TCAIM: variants seen among roughly 807,000 people sequenced by gnomAD.
TCAIM encodes the protein T-cell activation inhibitor, mitochondrial.
A neutral mutation model predicts 58.6 loss-of-function variants in TCAIM; 36 were observed. The observed-to-expected ratio is 0.61, with a 90% CI of 0.47 to 0.81. TCAIM has a LOEUF of 0.81. Among genes scored for constraint, TCAIM ranks in the 30% least tolerant of loss-of-function variants. The pLI is 0.00. For synonymous variants in TCAIM, 172 were observed against 193.6 expected (o/e 0.89, Z 0.93); for missense variants, 466 against 579.6 (o/e 0.80, Z 2.01).
intron 1 of TCAIM, among the ~76,000 whole-genome samples, chr3:44,348,971 A>T (rs1373901514): frequency 6.6e-6 from 1 of 152,192 alleles, no homozygotes; most frequent in African/African-American, 2.4e-5. Context: ...TAGTCACAGA[A>T]CGAAACTGTA....
At chr3:44,364,311 G>A (rs1294218026) in intron 4 of TCAIM, among the ~76,000 whole-genome samples, 1 of 151,442 alleles carries the variant, frequency 6.6e-6, no homozygotes, top group Non-Finnish European at 1.5e-5. Context: ...TAGCATATAT[G>A]ACAAAAAGAT....
intron 9 of TCAIM, chr3:44,400,802 G>C (rs1702010986): frequency 1.8e-6 from 1 of 566,282 alleles, no homozygotes; most frequent in South Asian, 2.1e-5. Flanking sequence ...TGAATATATT[G>C]CTGAGCAGAT....
intron 10 of TCAIM, among the ~76,000 whole-genome samples, chr3:44,406,788 A>G (rs939878236): frequency 3.3e-5 from 5 of 152,208 alleles, no homozygotes; most frequent in African/African-American, 1.2e-4. Context: ...GATGTAGCAC[A>G]TTGAATCCAC....
intron 6 of TCAIM, 41 bp downstream of exon 6, chr3:44,393,018 A>C (rs772022527): frequency 6.4e-7 from 1 of 1,570,940 alleles, no homozygotes; most frequent in Non-Finnish European, 8.7e-7. Context: ...ATTGAAATGA[A>C]TATGAATTAC....
At chr3:44,342,106 A>T (rs564325166) in intron 1 of TCAIM, among the ~76,000 whole-genome samples, 5 of 152,282 alleles carry the variant, frequency 3.3e-5, no homozygotes, top group African/African-American at 9.6e-5. Context: ...TTAGAATTGT[A>T]ATTTTTCTTT....
At chr3:44,339,897 C>T (rs1397255569) in intron 1 of TCAIM, 1 of 152,130 alleles carries the variant, frequency 6.6e-6, no homozygotes, top group African/African-American at 2.4e-5. Flanking sequence ...TTTTCTAGTC[C>T]CAATGCTTTA....
At chr3:44,393,215 T>G (rs1471389872) in intron 6 of TCAIM, among the ~76,000 whole-genome samples, 1 of 152,160 alleles carries the variant, frequency 6.6e-6, no homozygotes, top group East Asian at 1.9e-4. Flanking sequence ...CCCAGCACTT[T>G]GGGAGGCCAA....
chr3:44,353,517 G>T (rs1006411127), intron 1 of TCAIM, among the ~76,000 whole-genome samples: 4 of 152,176 alleles, frequency 2.6e-5, no homozygotes, highest in Non-Finnish European at 5.9e-5. Context: ...TTCCAAAGTG[G>T]CTGCACCTGT....
At position 44,359,586 on chromosome 3, in the gene TCAIM, A is replaced by T. The variant is rs1442076296; in HGVS notation, c.165+1710A>T. 3.3e-5 allele frequency: 5 copies of T among 152,310 alleles called. No individual in the cohort carries two copies. The East Asian group carries it at 9.7e-4, about 29-fold the overall frequency. The allele number at this position is 152,310 out of a possible 1,614,324, so 9.4% of individuals were successfully genotyped here. A position where few individuals can be genotyped will look rare whatever the true frequency, so the allele number is the denominator to read the frequency against. On this transcript the variant is annotated intron_variant, in intron 3 of 10. Transcript: ENST00000342649. ...ACTGACCCCCAGTAAAACTCTGGAC[A>T]TCCAGACTTGGATGAGCTTCCTTGG...
chr3:44,339,140 C>T (rs1041922164), intron 1 of TCAIM, among the ~76,000 whole-genome samples: 5 of 152,162 alleles, frequency 3.3e-5, no homozygotes, highest in African/African-American at 7.2e-5. Flanking sequence ...AGAATCTAGG[C>T]TAATGTATCT....
intron 4 of TCAIM, among the ~76,000 whole-genome samples, chr3:44,365,798 A>G (rs1701365208): frequency 6.6e-6 from 1 of 152,194 alleles, no homozygotes; most frequent in Non-Finnish European, 1.5e-5. Context: ...GTGGCCAAAG[A>G]ACTTAATTTT....
chr3:44,358,430 T>C (rs1360259415), intron 3 of TCAIM: 2 of 588,046 alleles, frequency 3.4e-6, no homozygotes, highest in African/African-American at 2.0e-5. Flanking sequence ...CATCCATGGA[T>C]TCAACCAACC....
chr3:44,357,427 G>T (rs535955699), intron 2 of TCAIM, among the ~76,000 whole-genome samples: 39 of 152,216 alleles, frequency 2.6e-4, no homozygotes, highest in East Asian at 9.7e-4. Context: ...AAGATTTTTT[G>T]ATCTGAATAA....
chr3:44,383,754 C>A (rs1701690047), intron 5 of TCAIM, among the ~76,000 whole-genome samples: 1 of 139,216 alleles, frequency 7.2e-6, no homozygotes, highest in Non-Finnish European at 1.5e-5. Flanking sequence ...AGGAGGATCA[C>A]TTGAGCTTAA....
chr3:44,366,833 T>C (rs1701385838), intron 4 of TCAIM, among the ~76,000 whole-genome samples: 1 of 151,948 alleles, frequency 6.6e-6, no homozygotes, highest in Non-Finnish European at 1.5e-5. Flanking sequence ...AACTCCTGAG[T>C]TCATAATCCA....
At chr3:44,338,752 A>C (rs1057485214), upstream of TCAIM, 4 of 152,286 alleles carry the variant, frequency 2.6e-5, no homozygotes, top group Non-Finnish European at 5.9e-5. Context: ...CTGCGGGCGG[A>C]GCGACTGTCC....
chr3:44,370,658 T>C lies in TCAIM; in HGVS notation c.572+2950T>C, dbSNP rs530328953. The stretch of plus-strand genomic sequence containing the variant: ...AATAGTGGCATAGCATTACAGTAGA[T>C]AGGTTTTTTGTTTTTTTTTTTTAGT... On this transcript the variant is annotated intron_variant, in intron 5 of 10. Transcript: ENST00000342649. 8.6e-5 allele frequency among the ~76,000 whole-genome samples: 13 copies of C among 151,652 alleles called. No homozygotes were observed. In the Middle Eastern group the frequency reaches 0.01, roughly 119 times the overall value.
At chr3:44,340,450 C>T (rs1700833640) in intron 1 of TCAIM, 1 of 152,212 alleles carries the variant, frequency 6.6e-6, no homozygotes, top group Non-Finnish European at 1.5e-5. Context: ...ACCTGCTGGA[C>T]ATTGTCTCTA....
intron 3 of TCAIM, chr3:44,358,258 C>T (rs1701236570): frequency 1.5e-6 from 2 of 1,357,760 alleles, no homozygotes; most frequent in African/African-American, 1.5e-5. Context: ...GTGATTTTTC[C>T]TTATGATGCA....
Sources: gnomAD v4.1 joint callset for allele counts (sites outside exome capture counted in the v4.1 genomes callset) on GRCh38, gnomAD v4.1.1 for gene constraint, MANE v1.5 for transcripts, NCBI Gene and HGNC (gene_info 2026-07-23, HGNC 2026-07-21) for gene names.